The following TMEM70 variants were observed in gnomAD, a reference collection of about 807,000 sequenced individuals.
TMEM70 encodes the protein transmembrane protein 70, also known as transmembrane protein 70, mitochondrial.
TMEM70 carries 15 observed loss-of-function variants against 20.5 expected under a neutral mutation model. That is an observed-to-expected ratio of 0.73 (90% CI 0.49 to 1.13). The LOEUF (loss-of-function observed/expected upper bound fraction) is 1.13, where lower values mean the gene tolerates loss of function less well. TMEM70 is among the 50% of genes most tolerant of loss of function. The probability of loss-of-function intolerance (pLI) is 0.00; values close to 1 mark genes in which losing one functional copy is unlikely to be tolerated. For missense variants in TMEM70, 344 were observed against 331.7 expected, an observed-to-expected ratio of 1.04 and a Z score of -0.29; for synonymous variants, 141 against 134.2, an observed-to-expected ratio of 1.05 and a Z score of -0.35.
Position 73,981,463 on chromosome 8 carries a change from T to G in TMEM70, c.625T>G (p.Phe209Val). ...GAAGATTCCAGATGCTAAACATGTA[T>G]TTACCACATTTTATGCTAAAACAAA... is the stretch of plus-strand genomic sequence containing the variant. ...DVKIPDAKHV[F>V]TTFYAKTKSL... The change falls in exon 3 of 3, where the codon TTT (phenylalanine) becomes GTT (valine). Residue 209 changes from phenylalanine (F) to valine (V), a missense_variant. Physicochemically the swap from Phe to Val is conservative, Grantham distance 50. Transcript: ENST00000312184. The G allele has an allele frequency of 6.2e-7, 1 of 1,614,172 alleles. No homozygotes were observed. Among genetic ancestry groups the G allele is most frequent in the South Asian group, 1.1e-5 (1 of 91,082 alleles).
intron 2 of TMEM70, among the ~76,000 whole-genome samples, chr8:73,979,377 A>AT (rs535684122): frequency 3.6e-4 from 55 of 151,842 alleles, no homozygotes; most frequent in Non-Finnish European, 7.4e-4. Flanking sequence ...TCATTGCTTT[A>AT]TTTTTTTATT....
rs765212281 is a variant in TMEM70, at chr8:73,981,543, A to G, written c.705A>G (p.Leu235=). The change falls in exon 3 of 3, where the codon CTA becomes CTG. Residue 235 remains leucine (L), a synonymous_variant. Coordinates refer to ENST00000312184, the MANE Select transcript of TMEM70 (RefSeq NM_017866.6). The part of the protein sequence containing the change: ...LFPNREDYIH[L]MGYDKEEFIL... ...CAAACCGTGAAGACTATATCCATCT[A>G]ATGGGTTATGACAAAGAAGAATTTA... The G allele has an allele frequency of 6.2e-7, 1 of 1,613,812 alleles. No individual in the cohort carries two copies. The highest frequency in any genetic ancestry group is 2.2e-5 in the East Asian group (1 of 44,876).
chr8:73,981,752 A>G lies in TMEM70; in HGVS notation c.*131A>G, dbSNP rs1287552858. The G allele has an allele frequency of 1.3e-6, 1 of 798,696 alleles. No homozygotes were observed. The allele number at this position is 798,696 out of a possible 1,614,324, so 49.5% of individuals were successfully genotyped here. On this transcript the variant is annotated 3_prime_UTR_variant, in exon 3 of 3. Transcript: ENST00000312184. ...AATTATCAAAGCTTTTAATTTCCAG[A>G]GAATGATGTTTGTTTATAATAAAAC...
At chr8:73,976,845 G>A (rs1815664143) in intron 1 of TMEM70, among the ~76,000 whole-genome samples, 1 of 152,238 alleles carries the variant, frequency 6.6e-6, no homozygotes, top group South Asian at 2.1e-4. Flanking sequence ...AAAGAGCCAG[G>A]TTAACCTGAC....
Position 73,982,561 on chromosome 8 carries a change from CAGTTTTA to C in TMEM70, c.*944_*950del, listed in dbSNP as rs1815839337. The C allele has an allele frequency of 4.0e-6, 2 of 506,290 alleles. No homozygotes were observed. The highest frequency in any genetic ancestry group is 3.8e-5 in the African/African-American group (2 of 51,954). 31.4% of individuals were successfully genotyped at this position (506,290 alleles called of 1,614,324 possible). On this transcript the variant is annotated 3_prime_UTR_variant, in exon 3 of 3. Transcript: ENST00000312184. ...TCAAGAAATTCACAAATTATGGGAGCAGTTTTAAGTCTTCTTTGGTTCAGAACACAGG... is the reference window on the plus strand; with the variant it reads ...TCAAGAAATTCACAAATTATGGGAGCAGTCTTCTTTGGTTCAGAACACAGG...
rs139775930 is a variant in TMEM70 at position 73,981,513 on chromosome 8, C to T, written c.675C>T (p.Leu225=). Residue 225 remains leucine, a synonymous_variant, in exon 3 of 3, where the codon CTC becomes CTT. Coordinates refer to ENST00000312184, the MANE Select transcript of TMEM70 (RefSeq NM_017866.6). ...AATCACTGTTAGTTAATCCAGTGCT[C>T]TTTCCAAACCGTGAAGACTATATCC... ...KTKSLLVNPV[L]FPNREDYIHL... is the part of the protein sequence containing the mutation. 1.4e-5 allele frequency: 22 copies of T among 1,613,726 alleles called. No homozygotes were observed. Among genetic ancestry groups the T allele is most frequent in the Non-Finnish European group, 1.8e-5 (21 of 1,179,812 alleles).
chr8:73,977,403 G>A (rs933158647), intron 1 of TMEM70, among the ~76,000 whole-genome samples: 2 of 151,860 alleles, frequency 1.3e-5, no homozygotes, highest in African/African-American at 2.4e-5. Context: ...GGCCAGGCTC[G>A]TCTTAAACTC....
intron 1 of TMEM70, among the ~76,000 whole-genome samples, chr8:73,977,213 G>T (rs1332272655): frequency 6.6e-6 from 1 of 151,930 alleles, no homozygotes; most frequent in Non-Finnish European, 1.5e-5. Context: ...GTGAAGTCTC[G>T]CTCTGTCACC....
rs1815812792 is a variant in TMEM70, at chr8:73,981,868, TG to T, written c.*248del. The stretch of plus-strand genomic sequence containing the variant: ...TATGTTCATGCTAGTATAAGAGTTC[TG>T]TGTTACTGTGGTTGACTCTAAACTG... On this transcript the variant is annotated 3_prime_UTR_variant, in exon 3 of 3. Transcript: ENST00000312184. 11 of 594,006 alleles carry T rather than the reference TG, an allele frequency of 1.9e-5. No individual in the cohort carries two copies. Among genetic ancestry groups the T allele is most frequent in the South Asian group, 1.7e-4 (11 of 65,782 alleles). The allele number at this position is 594,006 out of a possible 1,614,324, so 36.8% of individuals were successfully genotyped here. A position where few individuals can be genotyped will look rare whatever the true frequency, so the allele number is the denominator to read the frequency against.
rs546413298 is a variant in TMEM70, at chr8:73,982,208, C to T, written c.*587C>T. ...TTCATATCACTCTAACGAGTTGCAA[C>T]GTAAAATCCCTGGATAAGGTGTGTG... On this transcript the variant is annotated 3_prime_UTR_variant, in exon 3 of 3. Transcript: ENST00000312184. 1.2e-4 allele frequency: 67 copies of T among 561,862 alleles called. 2 individuals carry two copies. Among genetic ancestry groups the T allele is most frequent in the African/African-American group, 7.8e-4 (42 of 53,796 alleles). The allele number at this position is 561,862 out of a possible 1,614,324, so 34.8% of individuals were successfully genotyped here.
chr8:73,979,305 A>G (rs1025617340), intron 2 of TMEM70: 1 of 198,656 alleles, frequency 5.0e-6, no homozygotes, highest in African/African-American at 2.4e-5. Context: ...TTGGGATTAC[A>G]GGCGTGAGCC....
rs1815794402 is a variant in TMEM70, at chr8:73,981,389, A to G, written c.551A>G (p.Tyr184Cys). The stretch of plus-strand genomic sequence containing the variant: ...ACAGACACTTATAAAGCCATTACCT[A>G]CAATGCTATGCTTGCAGAAACGAGT... ...ATTDTYKAIT[Y>C]NAMLAETSTV... The change falls in exon 3 of 3, where the codon TAC becomes TGC. Residue 184 changes from tyrosine to cysteine, a missense_variant. Physicochemically the swap from Tyr to Cys is radical, Grantham distance 194. Coordinates refer to ENST00000312184, the MANE Select transcript of TMEM70 (RefSeq NM_017866.6). 1 of 1,614,108 alleles carries G rather than the reference A, an allele frequency of 6.2e-7. No individual in the cohort carries two copies. Among genetic ancestry groups the G allele is most frequent in the African/African-American group, 1.3e-5 (1 of 74,950 alleles).
At position 73,981,845 on chromosome 8, in the gene TMEM70, T is replaced by C. The variant is rs976330271; in HGVS notation, c.*224T>C. The stretch of plus-strand genomic sequence containing the variant: ...TTTTAGAAAGGTATGTGAATAAATA[T>C]GTTCATGCTAGTATAAGAGTTCTGT... On this transcript the variant is annotated 3_prime_UTR_variant, in exon 3 of 3. Transcript: ENST00000312184. 3.1e-6 allele frequency: 2 copies of C among 637,112 alleles called. No homozygotes were observed. The highest frequency in any genetic ancestry group is 1.8e-5 in the African/African-American group (1 of 55,890). The allele number at this position is 637,112 out of a possible 1,614,324, so 39.5% of individuals were successfully genotyped here. A position where few individuals can be genotyped will look rare whatever the true frequency, so the allele number is the denominator to read the frequency against.
chr8:73,976,379 G>A lies in TMEM70; in HGVS notation c.98G>A (p.Arg33Gln), dbSNP rs769427442. The change falls in exon 1 of 3, where the codon CGG (arginine) becomes CAG (glutamine). Residue 33 changes from arginine (R) to glutamine (Q), a missense_variant. By Grantham distance (43) the Arg-to-Gln change is conservative. Coordinates refer to ENST00000312184, the MANE Select transcript of TMEM70 (RefSeq NM_017866.6). ...LCAAAALRGP[R>Q]ASVSRASSSS... is the part of the protein sequence containing the mutation. ...GCGGCCGCCGCGCTCCGAGGTCCCC[G>A]GGCCTCTGTCTCCCGGGCGTCCTCC... The A allele has an allele frequency of 1.3e-6, 2 of 1,596,332 alleles. No individual in the cohort carries two copies. The highest frequency in any genetic ancestry group is 8.5e-7 in the Non-Finnish European group (1 of 1,178,448).
rs758892390 is a variant in TMEM70 at position 73,976,364 on chromosome 8, C to G, written c.83C>G (p.Ala28Gly). 10 of 1,598,402 alleles carry G rather than the reference C, an allele frequency of 6.3e-6. No individual in the cohort carries two copies. The highest frequency in any genetic ancestry group is 4.4e-5 in the South Asian group (4 of 90,672). The change falls in exon 1 of 3, where the codon GCG becomes GGG. Residue 28 changes from alanine to glycine, a missense_variant. Physicochemically the swap from Ala to Gly is moderately conservative, Grantham distance 60 (BLOSUM62 0). Transcript: ENST00000312184. ...AGGACTGCATTGTGTGCGGCCGCCG[C>G]GCTCCGAGGTCCCCGGGCCTCTGTC... Reference protein sequence around the residue: ...GRRTALCAAAALRGPRASVSR... With the variant: ...GRRTALCAAAGLRGPRASVSR...
intron 2 of TMEM70, 21 bp downstream of exon 2, chr8:73,978,882 GTACT>G (rs1261760797): frequency 1.2e-6 from 2 of 1,612,830 alleles, no homozygotes; most frequent in Admixed American, 1.7e-5. Flanking sequence ...GGAGGTGGGT[GTACT>G]TACTTTGTTT....
rs113669789 is a variant in TMEM70 at position 73,978,750 on chromosome 8, C to T, written c.211-6C>T. The T allele has an allele frequency of 3.4e-3, 5,473 of 1,613,134 alleles. 19 individuals carry two copies. The highest frequency in any genetic ancestry group is 5.0e-3 in the Middle Eastern group (30 of 6,060). ...TAGTTGACCATAATGATCCCTGTTT[C>T]AATAGATCCCTGTTTATTGGGAAGG... On this transcript the variant is annotated splice_polypyrimidine_tract_variant and splice_region_variant and intron_variant, in intron 1 of 2. Transcript: ENST00000312184.
rs199726326 is a variant in TMEM70 at position 73,981,426 on chromosome 8, C to T, written c.588C>T (p.His196=). The T allele has an allele frequency of 5.9e-5, 95 of 1,613,982 alleles. No homozygotes were observed. The highest frequency in any genetic ancestry group is 7.6e-5 in the Non-Finnish European group (90 of 1,180,008). The change falls in exon 3 of 3, where the codon CAC becomes CAT. Residue 196 remains histidine, a synonymous_variant. Coordinates refer to ENST00000312184, the MANE Select transcript of TMEM70 (RefSeq NM_017866.6). ...AMLAETSTVF[H]QNDVKIPDAK... ...TTGCAGAAACGAGTACAGTGTTTCA[C>T]CAGAATGATGTGAAGATTCCAGATG... is the stretch of plus-strand genomic sequence containing the variant.
intron 1 of TMEM70, among the ~76,000 whole-genome samples, chr8:73,976,936 T>C (rs933356987): frequency 5.3e-5 from 8 of 152,244 alleles, no homozygotes; most frequent in Non-Finnish European, 1.0e-4. Flanking sequence ...ATGCAGATGT[T>C]AATTCTTTTA....
Sources: allele counts gnomAD v4.1 joint callset (sites outside exome capture counted in the v4.1 genomes callset), GRCh38; gene constraint gnomAD v4.1.1; transcripts MANE v1.5; gene names NCBI Gene and HGNC (gene_info 2026-07-23, HGNC 2026-07-21).